Variants in GXYLT2 observed in about 807,000 individuals in gnomAD.
The protein encoded by GXYLT2 is glycosyltransferase 8 domain containing 4.
GXYLT2 carries 53 observed loss-of-function variants against 45.8 expected under a neutral mutation model. The ratio of observed to expected loss-of-function variants is 1.16; its 90% CI spans 0.93 to 1.46. GXYLT2 has a LOEUF of 1.46. Among genes scored for constraint, GXYLT2 ranks in the 40% most tolerant of loss-of-function variants. The probability of loss-of-function intolerance (pLI) is 0.00; values close to 1 mark genes in which losing one functional copy is unlikely to be tolerated. For missense variants in GXYLT2, 551 were observed against 544.4 expected (o/e 1.01, Z -0.12); for synonymous variants, 219 against 214.2 (o/e 1.02, Z -0.19).
chr3:72,928,132 A>G (rs1365246948), intron 3 of GXYLT2, among the ~76,000 whole-genome samples: 2 of 152,218 alleles, frequency 1.3e-5, no homozygotes, highest in Non-Finnish European at 2.9e-5. Context: ...ACGGCAGAAA[A>G]AGAGCATGGC....
chr3:72,948,092 A>G (rs1480504027), intron 3 of GXYLT2, among the ~76,000 whole-genome samples: 1 of 152,204 alleles, frequency 6.6e-6, no homozygotes, highest in African/African-American at 2.4e-5. Flanking sequence ...CATTAGTGGG[A>G]AAATGATTAA....
intron 1 of GXYLT2, among the ~76,000 whole-genome samples, chr3:72,891,366 G>A (rs1156832483): frequency 4.6e-5 from 7 of 152,136 alleles, no homozygotes; most frequent in Admixed American, 3.9e-4. Context: ...CCACGTCAAC[G>A]CAGGAAACAT....
intron 2 of GXYLT2, among the ~76,000 whole-genome samples, chr3:72,919,923 T>C (rs1709801498): frequency 6.6e-6 from 1 of 152,176 alleles, no homozygotes; most frequent in Admixed American, 6.6e-5. Context: ...TTAACACTAA[T>C]GTAAACTGTG....
At chr3:72,934,080 CT>C (rs375690427) in intron 3 of GXYLT2, among the ~76,000 whole-genome samples, 18,574 of 120,898 alleles carry the variant, frequency 0.15, 1,544 homozygotes, top group African/African-American at 0.3. Flanking sequence ...TAATTTTATT[CT>C]TTTTTTTTTT....
intron 1 of GXYLT2, among the ~76,000 whole-genome samples, chr3:72,889,051 C>CA (rs1709125526): frequency 6.6e-6 from 1 of 152,150 alleles, no homozygotes; most frequent in South Asian, 2.1e-4. Context: ...ACAGAAAAGA[C>CA]AGAGTGGGGG....
chr3:72,972,557 C>G (rs1271509516), intron 6 of GXYLT2, among the ~76,000 whole-genome samples: 1 of 144,502 alleles, frequency 6.9e-6, no homozygotes, highest in Non-Finnish European at 1.5e-5. Flanking sequence ...AGGAGAATTT[C>G]TTGAACCCAG....
rs141950348 is a variant in GXYLT2 at position 72,955,870 on chromosome 3, G to T, written c.852+521G>T. Among the ~76,000 whole-genome samples, 384 of 152,296 alleles carry T rather than the reference G, an allele frequency of 2.5e-3. 2 individuals are homozygous for T. Among genetic ancestry groups the T allele is most frequent in the African/African-American group, 8.5e-3 (353 of 41,540 alleles). ...AGGCAGGTGGATCACTTGAGGCCAGGAGTTTGAGACCAGCCTGACCAACAT... is the reference window on the plus strand; with the variant it reads ...AGGCAGGTGGATCACTTGAGGCCAGTAGTTTGAGACCAGCCTGACCAACAT... On this transcript the variant is annotated intron_variant, in intron 4 of 6. Coordinates refer to ENST00000389617, the MANE Select transcript of GXYLT2 (RefSeq NM_001080393.2).
intron 6 of GXYLT2, among the ~76,000 whole-genome samples, chr3:72,973,186 T>G (rs531384970): frequency 6.6e-6 from 1 of 152,114 alleles, no homozygotes; most frequent in African/African-American, 2.4e-5. Context: ...AGTCCTGGGC[T>G]GGAGAGGAGT....
intron 3 of GXYLT2, chr3:72,928,899 G>A (rs1709968918): frequency 2.9e-6 from 2 of 690,874 alleles, no homozygotes; most frequent in Admixed American, 4.2e-5. Flanking sequence ...GTGCTTGGAC[G>A]GAACCCGGCG....
chr3:72,947,583 T>C (rs1710434256), intron 3 of GXYLT2, among the ~76,000 whole-genome samples: 1 of 152,094 alleles, frequency 6.6e-6, no homozygotes, highest in African/African-American at 2.4e-5. Context: ...GTGGATCACT[T>C]GAGGTCAGGA....
intron 5 of GXYLT2, among the ~76,000 whole-genome samples, chr3:72,966,032 A>C (rs1189890694): frequency 6.6e-6 from 1 of 151,950 alleles, no homozygotes. Context: ...CCCAGGCTGG[A>C]GTGCAGTGTG....
chr3:72,969,070 C>CA (rs968540312), intron 6 of GXYLT2, among the ~76,000 whole-genome samples: 132 of 145,458 alleles, frequency 9.1e-4, no homozygotes, highest in Non-Finnish European at 1.6e-3. Context: ...GACTCCATCT[C>CA]AAAAAAAAAA....
In GXYLT2 at chr3:72,903,466, G is replaced by T. The variant is rs1178741316; in HGVS notation, c.276-4901G>T. ...GGAGGAGAGGTGAGATTTGAGCTCA[G>T]ATCCCTGGTTCCTGACCATAGCTGA... is the stretch of plus-strand genomic sequence containing the variant. On this transcript the variant is annotated intron_variant, in intron 1 of 6. Coordinates refer to ENST00000389617, the MANE Select transcript of GXYLT2 (RefSeq NM_001080393.2). Among the ~76,000 whole-genome samples the T allele has an allele frequency of 2.6e-5, 4 of 152,194 alleles. No individual in the cohort carries two copies. In the East Asian group the frequency reaches 7.7e-4, roughly 29 times the overall value.
In GXYLT2 at chr3:72,967,543, C is replaced by T; in HGVS notation, c.977-4C>T. 4 of 1,612,078 alleles carry T rather than the reference C, an allele frequency of 2.5e-6. No individual in the cohort carries two copies. The highest frequency in any genetic ancestry group is 3.4e-6 in the Non-Finnish European group (4 of 1,178,568). On this transcript the variant is annotated splice_polypyrimidine_tract_variant and splice_region_variant and intron_variant, in intron 5 of 6. Transcript: ENST00000389617. ...CATATATGTCTTTCTCTTTTTACCA[C>T]CAGAGTGTCTCTATGTATTCCCCTG...
At chr3:72,897,501 A>C (rs34317383) in intron 1 of GXYLT2, among the ~76,000 whole-genome samples, 61,538 of 152,062 alleles carry the variant, frequency 0.4, 13,825 homozygotes, top group African/African-American at 0.58. Context: ...GATGGCTACA[A>C]GTGAAATGTG....
Position 72,908,562 on chromosome 3 carries a change from G to A in GXYLT2, c.468+3G>A, listed in dbSNP as rs1483616398. 1 of 1,604,462 alleles carries A rather than the reference G, an allele frequency of 6.2e-7. No homozygotes were observed. Among genetic ancestry groups the A allele is most frequent in the Non-Finnish European group, 8.5e-7 (1 of 1,176,072 alleles). ...TGAAGCCCGAGTTTGATAAGCAGGT[G>A]AATTTGCAGAAATCATGGCACAGTG... On this transcript the variant is annotated splice_donor_region_variant and intron_variant, in intron 2 of 6. Coordinates refer to ENST00000389617, the MANE Select transcript of GXYLT2 (RefSeq NM_001080393.2).
intron 2 of GXYLT2, among the ~76,000 whole-genome samples, chr3:72,912,013 A>ATATATATAT (rs1156864738): frequency 2.3e-4 from 26 of 114,888 alleles, no homozygotes; most frequent in African/African-American, 1.0e-3. Context: ...ATATATATAT[A>ATATATATAT]TTTTTTTTTT....
chr3:72,894,442 G>C (rs1482004526), intron 1 of GXYLT2, among the ~76,000 whole-genome samples: 1 of 152,224 alleles, frequency 6.6e-6, no homozygotes, highest in Non-Finnish European at 1.5e-5. Flanking sequence ...ATCAAAACCT[G>C]CGGGTGACTT....
In GXYLT2 at chr3:72,917,491, C is replaced by T. The variant is rs575930063; in HGVS notation, c.469-4713C>T. On this transcript the variant is annotated intron_variant, in intron 2 of 6. Transcript: ENST00000389617. ...ATATATCAAATGTCAAATACTTTGTCTGTCACTCCTTTCCTATTAAGAATT... is the reference window on the plus strand; with the variant it reads ...ATATATCAAATGTCAAATACTTTGTTTGTCACTCCTTTCCTATTAAGAATT... Among the ~76,000 whole-genome samples the T allele has an allele frequency of 2.6e-5, 4 of 152,256 alleles. No individual in the cohort carries two copies. The South Asian group carries it at 8.3e-4, about 32-fold the overall frequency.
Sources: allele counts gnomAD v4.1 joint callset (sites outside exome capture counted in the v4.1 genomes callset), GRCh38; gene constraint gnomAD v4.1.1; transcripts MANE v1.5; gene names NCBI Gene and HGNC (gene_info 2026-07-23, HGNC 2026-07-21).